The following VPS13A variants were observed in gnomAD, a reference collection of about 807,000 sequenced individuals.
VPS13A encodes intermembrane lipid transfer protein VPS13A.
In VPS13A, 264 loss-of-function variants were observed where a neutral mutation model predicts 390.9. The observed-to-expected ratio is 0.68, with a 90% confidence interval of 0.61 to 0.75. The LOEUF (loss-of-function observed/expected upper bound fraction) is 0.75, where lower values mean the gene tolerates loss of function less well. Among genes scored for constraint, VPS13A ranks in the 30% least tolerant of loss-of-function variants. The pLI, the probability that VPS13A is intolerant of heterozygous loss-of-function variation, is 0.00. For synonymous variants in VPS13A, 1,231 were observed against 1,227.1 expected (o/e 1.00, Z -0.07); for missense variants, 3,409 against 3,733.9 (o/e 0.91, Z 2.27).
At chr9:77,207,140 G>A (rs1825680110) in intron 5 of VPS13A, among the ~76,000 whole-genome samples, 1 of 136,954 alleles carries the variant, frequency 7.3e-6, no homozygotes, top group South Asian at 2.3e-4. Context: ...AAAACCAACT[G>A]TTCCTGGCCC....
chr9:77,399,005 T>G (rs1834237371), intron 68 of VPS13A, among the ~76,000 whole-genome samples: 1 of 79,820 alleles, frequency 1.3e-5, no homozygotes, highest in Non-Finnish European at 2.2e-5. Flanking sequence ...TATCACACTC[T>G]GGGGACTGTG....
At chr9:77,317,946 C>T (rs201825755) in intron 40 of VPS13A, among the ~76,000 whole-genome samples, 5 of 151,602 alleles carry the variant, frequency 3.3e-5, no homozygotes, top group African/African-American at 9.7e-5. Context: ...ATTGAAATTA[C>T]TTTATACTTC....
intron 54 of VPS13A, 105 bp from the exon 55 acceptor site, chr9:77,356,609 G>T (rs1831793918): frequency 1.0e-5 from 13 of 1,269,590 alleles, no homozygotes; most frequent in Non-Finnish European, 1.4e-5. Flanking sequence ...AATTGAGGCT[G>T]TTCTGAAATT....
chr9:77,395,282 C>T (rs533275228), intron 68 of VPS13A, among the ~76,000 whole-genome samples: 13 of 152,046 alleles, frequency 8.6e-5, no homozygotes, highest in Admixed American at 5.2e-4. Flanking sequence ...TTGTTTCTCA[C>T]GTAATAGGGA....
chr9:77,236,640 C>T (rs902501858), intron 17 of VPS13A, among the ~76,000 whole-genome samples: 1 of 152,118 alleles, frequency 6.6e-6, no homozygotes, highest in African/African-American at 2.4e-5. Flanking sequence ...TGAGTTCATG[C>T]TGTATTAGTG....
At chr9:77,189,918 T>A (rs926630909) in intron 1 of VPS13A, among the ~76,000 whole-genome samples, 5 of 152,200 alleles carry the variant, frequency 3.3e-5, no homozygotes, top group Non-Finnish European at 7.3e-5. Flanking sequence ...GTTATTGGTA[T>A]ATAGAAATAC....
intron 34 of VPS13A, among the ~76,000 whole-genome samples, chr9:77,303,644 A>G (rs1828516457): frequency 6.6e-6 from 1 of 152,168 alleles, no homozygotes; most frequent in Non-Finnish European, 1.5e-5. Flanking sequence ...GGAATGTAGT[A>G]GGAAAGCAGG....
At chr9:77,405,826 T>C in intron 69 of VPS13A, 38 bp from the exon 70 acceptor site, 3 of 1,609,572 alleles carry the variant, frequency 1.9e-6, no homozygotes, top group Non-Finnish European at 2.5e-6. Context: ...AGTGCCTCAA[T>C]TTTAAAGCGA....
intron 4 of VPS13A, 78 bp downstream of exon 4, chr9:77,205,486 T>C: frequency 1.5e-6 from 1 of 672,092 alleles, no homozygotes; most frequent in South Asian, 4.6e-5. Flanking sequence ...CAAAATACTT[T>C]TGGAATTTTT....
intron 41 of VPS13A, among the ~76,000 whole-genome samples, chr9:77,319,238 CT>C (rs146346789): frequency 3.0e-4 from 44 of 145,668 alleles, no homozygotes; most frequent in East Asian, 6.0e-4. Context: ...GTTGAATACC[CT>C]TTTTTTTTTA....
At chr9:77,303,643 T>C (rs1223316768) in intron 34 of VPS13A, among the ~76,000 whole-genome samples, 4 of 152,038 alleles carry the variant, frequency 2.6e-5, no homozygotes, top group Non-Finnish European at 4.4e-5. Flanking sequence ...AGGAATGTAG[T>C]AGGAAAGCAG....
At chr9:77,344,338 A>G (rs1831024466) in intron 51 of VPS13A, 57 bp downstream of exon 51, 5 of 1,536,238 alleles carry the variant, frequency 3.3e-6, no homozygotes, top group Non-Finnish European at 4.4e-6. Flanking sequence ...TATACTGACT[A>G]GTATTGTATT....
chr9:77,273,625 A>AT (rs771467929), intron 24 of VPS13A, among the ~76,000 whole-genome samples: 25 of 152,160 alleles, frequency 1.6e-4, no homozygotes, highest in Admixed American at 3.3e-4. Context: ...TTGGGTTTAT[A>AT]TACCAGTTTG....
At position 77,295,545 on chromosome 9, in the gene VPS13A, T is replaced by C; in HGVS notation, c.3511T>C (p.Phe1171Leu). The C allele has an allele frequency of 1.2e-6, 2 of 1,606,048 alleles. No individual in the cohort carries two copies. Among genetic ancestry groups the C allele is most frequent in the Non-Finnish European group, 1.7e-6 (2 of 1,174,710 alleles). The change falls in exon 33 of 72, where the codon TTT (phenylalanine) becomes CTT (leucine). Residue 1171 changes from phenylalanine (F) to leucine (L), a missense_variant. Coordinates refer to ENST00000360280, the MANE Select transcript of VPS13A (RefSeq NM_033305.3). Reference protein sequence around the residue: ...VTKFLYSILAFIDNFQAAKQA... With the variant: ...VTKFLYSILALIDNFQAAKQA... ...ATATAATTCTGTTATCTTACAGGCT[T>C]TTATAGATAATTTTCAGGCAGCTAA...
At chr9:77,309,266 A>G (rs1828932152) in intron 35 of VPS13A, among the ~76,000 whole-genome samples, 1 of 152,176 alleles carries the variant, frequency 6.6e-6, no homozygotes, top group Admixed American at 6.5e-5. Context: ...GGTTGAGGCA[A>G]TCTCCCAGGA....
chr9:77,230,254 A>AT (rs937245017), intron 17 of VPS13A, among the ~76,000 whole-genome samples: 6 of 151,536 alleles, frequency 4.0e-5, no homozygotes, highest in Admixed American at 2.0e-4. Flanking sequence ...TCAAATTTAT[A>AT]TTTTTTTTGC....
Position 77,308,015 on chromosome 9 carries a change from A to T in VPS13A, c.4031A>T (p.Asp1344Val). The change falls in exon 35 of 72, where the codon GAT becomes GTT. Residue 1344 changes from aspartate to valine, a missense_variant. Transcript: ENST00000360280. The part of the protein sequence containing the change: ...TLHGNIWYEK[D>V]GSASPAVTKD... The stretch of plus-strand genomic sequence containing the variant: ...CATGGCAATATATGGTATGAAAAAG[A>T]TGGTAGTGCCTCACCTGCTGTAACA... 1 of 1,612,046 alleles carries T rather than the reference A, an allele frequency of 6.2e-7. No individual in the cohort carries two copies. Among genetic ancestry groups the T allele is most frequent in the Non-Finnish European group, 8.5e-7 (1 of 1,178,148 alleles).
At chr9:77,373,029 A>G (rs1199266133) in intron 67 of VPS13A, among the ~76,000 whole-genome samples, 1 of 152,210 alleles carries the variant, frequency 6.6e-6, no homozygotes, top group Non-Finnish European at 1.5e-5. Context: ...ATGGGTAGGA[A>G]GAATCAATAT....
At chr9:77,297,961 G>A (rs944437520) in intron 33 of VPS13A, among the ~76,000 whole-genome samples, 4 of 152,160 alleles carry the variant, frequency 2.6e-5, no homozygotes, top group Non-Finnish European at 5.9e-5. Context: ...GTGAAGTAGT[G>A]GAGAGCTAAC....
Sources: gnomAD v4.1 joint callset for allele counts (sites outside exome capture counted in the v4.1 genomes callset) on GRCh38, gnomAD v4.1.1 for gene constraint, MANE v1.5 for transcripts, NCBI Gene and HGNC (gene_info 2026-07-23, HGNC 2026-07-21) for gene names.